AXL: variants seen among roughly 807,000 people sequenced by gnomAD.
AXL encodes the protein tyrosine-protein kinase receptor UFO.
In AXL, 52 loss-of-function variants were observed where a neutral mutation model predicts 104.5. The observed-to-expected ratio is 0.50, with a 90% CI of 0.40 to 0.63. The LOEUF (loss-of-function observed/expected upper bound fraction) is 0.63, where lower values mean the gene tolerates loss of function less well. Among genes scored for constraint, AXL ranks in the 20% least tolerant of loss-of-function variants. AXL has a pLI of 0.00. For synonymous variants in AXL, 455 were observed against 473.7 expected (o/e 0.96, Z 0.51); for missense variants, 1,024 against 1,188.5 (o/e 0.86, Z 2.04).
At position 41,260,140 on chromosome 19, in the gene AXL, C is replaced by T. The variant is rs2122300603; in HGVS notation, c.*236C>T. On this transcript the variant is annotated 3_prime_UTR_variant, in exon 20 of 20. Coordinates refer to ENST00000301178, the MANE Select transcript of AXL (RefSeq NM_021913.5). The stretch of plus-strand genomic sequence containing the variant: ...AGGGGTTGGATTGCAATATCTGAAG[C>T]CCTCCCAGGTGTTAACATTCCAAGA... The T allele has an allele frequency of 2.0e-6, 1 of 487,866 alleles. No individual in the cohort carries two copies. The highest frequency in any genetic ancestry group is 3.8e-5 in the Admixed American group (1 of 26,384). The allele number at this position is 487,866 out of a possible 1,614,324, so 30.2% of individuals were successfully genotyped here.
At position 41,221,896 on chromosome 19, in the gene AXL, G is replaced by A. The variant is rs1461248500; in HGVS notation, c.426G>A (p.Leu142=). The A allele has an allele frequency of 6.2e-7, 1 of 1,613,708 alleles. No individual in the cohort carries two copies. The highest frequency in any genetic ancestry group is 2.2e-5 in the East Asian group (1 of 44,858). ...CCCCGCTAGGCTTGCCTTACTTCCTGGAGGAGCCCGAAGACAGGACTGTGG... is the reference window on the plus strand; with the variant it reads ...CCCCGCTAGGCTTGCCTTACTTCCTAGAGGAGCCCGAAGACAGGACTGTGG... ...YVGLEGLPYF[L]EEPEDRTVAA... is the part of the protein sequence containing the mutation. Residue 142 remains leucine (L), a synonymous_variant, in exon 4 of 20, where the codon CTG becomes CTA. Coordinates refer to ENST00000301178, the MANE Select transcript of AXL (RefSeq NM_021913.5).
At chr19:41,248,465 G>T in intron 12 of AXL, 49 bp from the exon 13 acceptor site, 1 of 1,570,406 alleles carries the variant, frequency 6.4e-7, no homozygotes. Context: ...AATGTCACCT[G>T]AATGTCAGCC....
chr19:41,250,569 AG>A (rs1341107069), intron 14 of AXL, among the ~76,000 whole-genome samples: 1 of 152,104 alleles, frequency 6.6e-6, no homozygotes, highest in African/African-American at 2.4e-5. Context: ...CAGCCTCCTG[AG>A]TAACTGGGAC....
chr19:41,259,294 AG>A (rs1318997792), intron 19 of AXL, among the ~76,000 whole-genome samples: 1 of 152,124 alleles, frequency 6.6e-6, no homozygotes, highest in East Asian at 1.9e-4. Flanking sequence ...GGTCTGTTCT[AG>A]CAAACCCTCA....
In AXL at chr19:41,253,673, A is replaced by T; in HGVS notation, c.2001A>T (p.Arg667Ser). The change falls in exon 17 of 20, where the codon AGA becomes AGT. Residue 667 changes from arginine to serine, a missense_variant. Coordinates refer to ENST00000301178, the MANE Select transcript of AXL (RefSeq NM_021913.5). Reference sequence around the variant, plus strand: ...GCATGGAGTATCTGAGTACCAAGAGATTCATACACCGGGACCTGGCGGCCA... The same window carrying T: ...GCATGGAGTATCTGAGTACCAAGAGTTTCATACACCGGGACCTGGCGGCCA... ...ASGMEYLSTK[R>S]FIHRDLAARN... 6.2e-7 allele frequency: 1 copy of T among 1,612,540 alleles called. No homozygotes were observed. The highest frequency in any genetic ancestry group is 1.7e-5 in the Admixed American group (1 of 59,910).
chr19:41,241,576 AAAAG>A (rs1395946291), intron 10 of AXL, among the ~76,000 whole-genome samples: 1 of 151,308 alleles, frequency 6.6e-6, no homozygotes, highest in African/African-American at 2.4e-5. Flanking sequence ...AAGAAAGAAA[AAAAG>A]AAAGAAAAGA....
intron 12 of AXL, among the ~76,000 whole-genome samples, chr19:41,244,879 G>T (rs1277471072): frequency 6.6e-6 from 1 of 151,840 alleles, no homozygotes; most frequent in Non-Finnish European, 1.5e-5. Context: ...CACACAGCTT[G>T]TAAATTGGAT....
At position 41,230,526 on chromosome 19, in the gene AXL, GTGTGTC is replaced by G. The variant is rs1338644308; in HGVS notation, c.587-429_587-424del. ...CCTGTGTGTGGCTGTGTGTCTTTGT[GTGTGTC>G]TGTGTCTGTGTGTCTGTGTGTATGA... On this transcript the variant is annotated intron_variant, in intron 4 of 19. Transcript: ENST00000301178. Among the ~76,000 whole-genome samples, 4 of 148,876 alleles carry G rather than the reference GTGTGTC, an allele frequency of 2.7e-5. No individual in the cohort carries two copies. In the South Asian group the frequency reaches 6.5e-4, roughly 24 times the overall value.
Position 41,254,219 on chromosome 19 carries a change from A to AC in AXL, c.2036+516dup, listed in dbSNP as rs949703776. On this transcript the variant is annotated intron_variant, in intron 17 of 19. Coordinates refer to ENST00000301178, the MANE Select transcript of AXL (RefSeq NM_021913.5). The stretch of plus-strand genomic sequence containing the variant: ...GGAGTTCGAGACCAGCCTTGGTGAA[A>AC]CCCCCTGTCTACTAAAAGTACAAAA... 9.3e-5 allele frequency among the ~76,000 whole-genome samples: 14 copies of AC among 151,062 alleles called. No individual in the cohort carries two copies. In the East Asian group the frequency reaches 2.2e-3, roughly 23 times the overall value.
chr19:41,249,987 T>C (rs566265749), intron 14 of AXL, among the ~76,000 whole-genome samples: 76 of 152,268 alleles, frequency 5.0e-4, no homozygotes, highest in Non-Finnish European at 8.7e-4. Flanking sequence ...TGATACATAG[T>C]GGAGCAGGAG....
chr19:41,231,724 C>T (rs553398277), intron 6 of AXL, among the ~76,000 whole-genome samples: 1 of 151,980 alleles, frequency 6.6e-6, no homozygotes, highest in South Asian at 2.1e-4. Context: ...GTCAGGAGTT[C>T]GAGACCAGCC....
intron 4 of AXL, among the ~76,000 whole-genome samples, chr19:41,224,169 A>C (rs2033839930): frequency 6.6e-6 from 1 of 151,692 alleles, no homozygotes; most frequent in African/African-American, 2.4e-5. Context: ...TTGTGTGTTC[A>C]CAGCTGGGAC....
At position 41,220,795 on chromosome 19, in the gene AXL, C is replaced by T. The variant is rs1166730773; in HGVS notation, c.245C>T (p.Thr82Ile). ...DGQILELADS[T>I]QTQVPLGEDE... ...CAGATCCTGGAGCTCGCGGACAGCA[C>T]CCAGACCCAGGTGCCCCTGGGTGAG... Residue 82 changes from threonine to isoleucine, a missense_variant, in exon 2 of 20, where the codon ACC becomes ATC. Thr to Ile is a moderately conservative substitution (Grantham distance 89). Coordinates refer to ENST00000301178, the MANE Select transcript of AXL (RefSeq NM_021913.5). 3 of 1,614,016 alleles carry T rather than the reference C, an allele frequency of 1.9e-6. No homozygotes were observed. The highest frequency in any genetic ancestry group is 1.3e-5 in the African/African-American group (1 of 74,922).
intron 14 of AXL, among the ~76,000 whole-genome samples, chr19:41,251,705 C>T (rs889820157): frequency 6.6e-6 from 1 of 151,568 alleles, no homozygotes; most frequent in Non-Finnish European, 1.5e-5. Context: ...CAGCGCAAGA[C>T]CCTGTCTCAA....
chr19:41,252,370 A>G lies in AXL; in HGVS notation c.1731A>G (p.Ser577=), dbSNP rs2034379232. The part of the protein sequence containing the change: ...KTMKIAICTR[S]ELEDFLSEAV... ...CTCAAGTTGCCATCTGCACGAGGTC[A>G]GAGCTGGAGGATTTCCTGAGTGAAG... Residue 577 remains serine (S), a synonymous_variant, in exon 15 of 20, where the codon TCA becomes TCG. Transcript: ENST00000301178. 6.2e-7 allele frequency: 1 copy of G among 1,613,732 alleles called. No homozygotes were observed. Among genetic ancestry groups the G allele is most frequent in the East Asian group, 2.2e-5 (1 of 44,838 alleles).
At chr19:41,235,276 G>C (rs2034058331) in intron 6 of AXL, among the ~76,000 whole-genome samples, 1 of 152,014 alleles carries the variant, frequency 6.6e-6, no homozygotes, top group Non-Finnish European at 1.5e-5. Flanking sequence ...ACTTGAACCT[G>C]GGAGGCGGAG....
intron 4 of AXL, among the ~76,000 whole-genome samples, chr19:41,228,991 C>T (rs1407662410): frequency 1.3e-5 from 2 of 151,138 alleles, no homozygotes; most frequent in Non-Finnish European, 2.9e-5. Context: ...CTCTTGTTGC[C>T]CAGGCTGGAG....
intron 12 of AXL, among the ~76,000 whole-genome samples, chr19:41,244,792 G>A (rs2034244050): frequency 1.3e-5 from 2 of 152,116 alleles, no homozygotes; most frequent in Non-Finnish European, 2.9e-5. Flanking sequence ...CGCCCAGCCA[G>A]AGGTGGGTTT....
rs2034060211 is a variant in AXL, at chr19:41,235,369, A to ATAG, written c.784-2575_784-2574insTAG. Among the ~76,000 whole-genome samples the ATAG allele has an allele frequency of 9.5e-4, 77 of 80,664 alleles. No homozygotes were observed. In the East Asian group the frequency reaches 0.011, roughly 12 times the overall value. 52.9% of individuals were successfully genotyped at this position (80,664 alleles called of 152,430 possible). The stretch of plus-strand genomic sequence containing the variant: ...TCCATCTCAAATAAATAAATAAATA[A>ATAG]ATAGATAGATAGATAGATAGATAGA... On this transcript the variant is annotated intron_variant, in intron 6 of 19. Transcript: ENST00000301178.
Sources: allele counts gnomAD v4.1 joint callset (sites outside exome capture counted in the v4.1 genomes callset), GRCh38; gene constraint gnomAD v4.1.1; transcripts MANE v1.5; gene names NCBI Gene and HGNC (gene_info 2026-07-23, HGNC 2026-07-21).